RUFY3: variants seen among roughly 807,000 people sequenced by gnomAD.
RUFY3 encodes the protein protein RUFY3.
A neutral mutation model predicts 84.0 loss-of-function variants in RUFY3; 34 were observed. The observed-to-expected ratio is 0.40, with a 90% confidence interval of 0.31 to 0.54. RUFY3 has a LOEUF of 0.54. Among genes scored for constraint, RUFY3 ranks in the 20% least tolerant of loss-of-function variants. The pLI, the probability that RUFY3 is intolerant of heterozygous loss-of-function variation, is 0.39. For missense variants in RUFY3, 507 were observed against 736.8 expected (o/e 0.69, Z 3.61); for synonymous variants, 242 against 252.9 (o/e 0.96, Z 0.41).
chr4:70,770,641 A>G (rs531291063), intron 5 of RUFY3, among the ~76,000 whole-genome samples: 2 of 152,272 alleles, frequency 1.3e-5, no homozygotes, highest in Admixed American at 1.3e-4. Context: ...TTGATCTTCT[A>G]TACAGACCAC....
intron 1 of RUFY3, among the ~76,000 whole-genome samples, chr4:70,751,291 A>G (rs1723094036): frequency 6.6e-6 from 1 of 152,156 alleles, no homozygotes; most frequent in Non-Finnish European, 1.5e-5. Context: ...TCATATTGAA[A>G]ATGTTGAATT....
At chr4:70,791,290 A>G in intron 12 of RUFY3, 1 of 1,613,316 alleles carries the variant, frequency 6.2e-7, no homozygotes, top group Non-Finnish European at 8.5e-7. Context: ...ATCCCAAAAC[A>G]TCATTAGGCA....
At chr4:70,770,090 G>A (rs1332729031) in intron 5 of RUFY3, among the ~76,000 whole-genome samples, 1 of 152,136 alleles carries the variant, frequency 6.6e-6, no homozygotes, top group East Asian at 1.9e-4. Flanking sequence ...CCAAAGTGCT[G>A]GGATTACAGG....
chr4:70,720,249 A>T (rs1742113851), upstream of RUFY3, among the ~76,000 whole-genome samples: 1 of 152,044 alleles, frequency 6.6e-6, no homozygotes, highest in African/African-American at 2.4e-5. Flanking sequence ...GAGTTTTGCC[A>T]TGTTGCCCAG....
intron 6 of RUFY3, among the ~76,000 whole-genome samples, chr4:70,773,845 T>C (rs963141030): frequency 1.3e-5 from 2 of 152,206 alleles, no homozygotes; most frequent in South Asian, 4.1e-4. Flanking sequence ...CAATTCTCCA[T>C]GTCTTATAGT....
rs1426112501 is a variant in RUFY3, at chr4:70,788,661, G to T, written c.1072-145G>T. ...TAATTATTAATTAATTATTGTTAAT[G>T]TCTCTGAAAATGAATGGTAGCTTAA... On this transcript the variant is annotated intron_variant, in intron 10 of 17. Transcript: ENST00000381006. The T allele has an allele frequency of 4.5e-6, 3 of 670,784 alleles. No individual in the cohort carries two copies. In the African/African-American group the frequency reaches 5.4e-5, roughly 12 times the overall value. 41.6% of individuals were successfully genotyped at this position (670,784 alleles called of 1,614,324 possible).
At chr4:70,733,971 A>T (rs1719875598) in intron 1 of RUFY3, among the ~76,000 whole-genome samples, 1 of 152,176 alleles carries the variant, frequency 6.6e-6, no homozygotes, top group African/African-American at 2.4e-5. Flanking sequence ...CATCCAACAG[A>T]TATTTGTATT....
At chr4:70,778,178 G>A (rs570376961) in intron 7 of RUFY3, among the ~76,000 whole-genome samples, 191 bp from the exon 8 acceptor site, 1 of 152,066 alleles carries the variant, frequency 6.6e-6, no homozygotes, top group Non-Finnish European at 1.5e-5. Context: ...AGGTTGCAGG[G>A]AGCCGAGAAT....
chr4:70,767,289 T>C lies in RUFY3; in HGVS notation c.573-1249T>C, dbSNP rs964133969. Among the ~76,000 whole-genome samples the C allele has an allele frequency of 2.4e-3, 336 of 139,398 alleles. 2 individuals carry two copies. The highest frequency in any genetic ancestry group is 9.1e-3 in the African/African-American group (325 of 35,622). 91.5% of individuals were successfully genotyped at this position (139,398 alleles called of 152,430 possible). A position where few individuals can be genotyped will look rare whatever the true frequency, so the allele number is the denominator to read the frequency against. ...TTTTTTTTTTTTTTTTTTTTTTTTT[T>C]AGTAGAGACAGGGTTTCTACATGTT... is the stretch of plus-strand genomic sequence containing the variant. On this transcript the variant is annotated intron_variant, in intron 4 of 17. Transcript: ENST00000381006.
intron 1 of RUFY3, among the ~76,000 whole-genome samples, chr4:70,731,603 T>C (rs1447439377): frequency 6.6e-6 from 1 of 152,214 alleles, no homozygotes; most frequent in East Asian, 1.9e-4. Context: ...AGTTTCGTTC[T>C]GTTGCCCAGT....
chr4:70,749,462 T>C (rs1722766795), intron 1 of RUFY3, among the ~76,000 whole-genome samples: 1 of 151,562 alleles, frequency 6.6e-6, no homozygotes, highest in African/African-American at 2.4e-5. Flanking sequence ...TAAGAGTATA[T>C]GAAAATAATG....
At chr4:70,764,370 T>G in intron 3 of RUFY3, 105 bp from the exon 4 acceptor site, 1 of 776,040 alleles carries the variant, frequency 1.3e-6, no homozygotes, top group Non-Finnish European at 2.2e-6. Flanking sequence ...CTCAGTGTGC[T>G]TGTTACACTG....
intron 11 of RUFY3, 108 bp downstream of exon 11, chr4:70,789,081 A>G: frequency 6.8e-7 from 1 of 1,463,698 alleles, no homozygotes; most frequent in Non-Finnish European, 9.0e-7. Context: ...GGAAAGAATC[A>G]CATCTCATTT....
Position 70,722,695 on chromosome 4 carries a change from G to T in RUFY3, c.122G>T (p.Cys41Phe). ...FRVSMDGEWL[C>F]LRELDDISLT... is the part of the protein sequence containing the mutation. Reference sequence around the variant, plus strand: ...GTGTCCATGGATGGAGAATGGCTCTGCCTGCGAGAGCTGGATGACATCTCA... The same window carrying T: ...GTGTCCATGGATGGAGAATGGCTCTTCCTGCGAGAGCTGGATGACATCTCA... The change falls in exon 1 of 18, where the codon TGC becomes TTC. Residue 41 changes from cysteine to phenylalanine, a missense_variant. This residue lies in a region of RUFY3 where 133 missense variants were observed against 301.1 expected (regional missense o/e 0.44). Coordinates refer to ENST00000381006, the MANE Select transcript of RUFY3 (RefSeq NM_001037442.4). The T allele has an allele frequency of 1.2e-6, 2 of 1,614,092 alleles. No homozygotes were observed. The highest frequency in any genetic ancestry group is 1.7e-6 in the Non-Finnish European group (2 of 1,180,002).
chr4:70,716,629 A>C (rs1484187665), intron 1 of RUFY3, among the ~76,000 whole-genome samples: 1 of 151,958 alleles, frequency 6.6e-6, no homozygotes, highest in African/African-American at 2.4e-5. Context: ...AGATCACCTG[A>C]GTTCAGGAAT....
At chr4:70,757,546 G>C (rs1198173371) in intron 1 of RUFY3, among the ~76,000 whole-genome samples, 1 of 152,192 alleles carries the variant, frequency 6.6e-6, no homozygotes, top group Non-Finnish European at 1.5e-5. Context: ...CGAGGTTGCA[G>C]TGAGCCAAGA....
chr4:70,729,776 G>A (rs555645621), intron 1 of RUFY3, among the ~76,000 whole-genome samples: 36 of 152,130 alleles, frequency 2.4e-4, no homozygotes, highest in African/African-American at 8.2e-4. Context: ...TTATAGAGTA[G>A]TCTGAACAAG....
intron 10 of RUFY3, among the ~76,000 whole-genome samples, chr4:70,786,829 C>G (rs749035314): frequency 6.6e-6 from 1 of 151,794 alleles, no homozygotes; most frequent in African/African-American, 2.4e-5. Context: ...AAGGACCTCC[C>G]CAGAATGTCT....
intron 1 of RUFY3, among the ~76,000 whole-genome samples, chr4:70,727,556 A>G (rs1190551228): frequency 6.6e-6 from 1 of 151,178 alleles, no homozygotes; most frequent in Admixed American, 6.6e-5. Flanking sequence ...GGGTTTCACC[A>G]TGTTGGCCAG....
Sources: allele counts gnomAD v4.1 joint callset (sites outside exome capture counted in the v4.1 genomes callset), GRCh38; gene constraint gnomAD v4.1.1; regional missense constraint gnomAD v4.1.1; transcripts MANE v1.5; gene names NCBI Gene and HGNC (gene_info 2026-07-23, HGNC 2026-07-21).